The following C2CD5 variants were observed in gnomAD, a reference collection of about 807,000 sequenced individuals.
C2CD5 encodes C2 calcium dependent domain containing 5, also known as C2 domain-containing protein 5.
In C2CD5, 109 loss-of-function variants were observed where a neutral mutation model predicts 130.3. The observed-to-expected ratio is 0.84, with a 90% confidence interval of 0.72 to 0.98. The LOEUF is 0.98. Among genes scored for constraint, C2CD5 ranks in the 50% least tolerant of loss-of-function variants. The probability of loss-of-function intolerance (pLI) is 0.00; values close to 1 mark genes in which losing one functional copy is unlikely to be tolerated. For missense variants in C2CD5, 996 were observed against 1,261.8 expected (o/e 0.79, Z 3.19); for synonymous variants, 454 against 429.2 (o/e 1.06, Z -0.71).
intron 20 of C2CD5, 24 bp downstream of exon 20, chr12:22,471,375 A>T: frequency 1.7e-6 from 2 of 1,185,272 alleles, no homozygotes; most frequent in African/African-American, 1.5e-5. Flanking sequence ...GATAAAGACT[A>T]ATAATGGACT....
chr12:22,472,225 A>C, intron 18 of C2CD5, 61 bp downstream of exon 18: 1 of 1,054,402 alleles, frequency 9.5e-7, no homozygotes, highest in East Asian at 2.5e-5. Flanking sequence ...CAAATATTTA[A>C]ATGGAACTTA....
At position 22,450,015 on chromosome 12, in the gene C2CD5, G is replaced by A; in HGVS notation, c.3025-124C>T. 4.4e-6 allele frequency: 3 copies of A among 688,432 alleles called. No homozygotes were observed. The South Asian group carries it at 1.1e-4, about 25-fold the overall frequency. 42.6% of individuals were successfully genotyped at this position (688,432 alleles called of 1,614,324 possible). A position where few individuals can be genotyped will look rare whatever the true frequency, so the allele number is the denominator to read the frequency against. On this transcript the variant is annotated intron_variant, in intron 26 of 26. Transcript: ENST00000446597. Reference sequence around the variant, plus strand: ...TTCTAAATCATTAGGATAAAGATAGGCAATCCAACAGAAAAATGAGAAAAG... The same window carrying A: ...TTCTAAATCATTAGGATAAAGATAGACAATCCAACAGAAAAATGAGAAAAG...
intron 14 of C2CD5, among the ~76,000 whole-genome samples, chr12:22,481,146 T>C (rs1944653543): frequency 1.3e-5 from 2 of 152,210 alleles, no homozygotes; most frequent in Admixed American, 6.5e-5. Flanking sequence ...TACCTAATTA[T>C]TACAAATTTC....
At chr12:22,484,554 A>G (rs1945203946) in intron 13 of C2CD5, 143 bp downstream of exon 13, 2 of 427,134 alleles carry the variant, frequency 4.7e-6, no homozygotes, top group Non-Finnish European at 8.3e-6. Flanking sequence ...TACATGCAAT[A>G]AAATACAAAG....
chr12:22,463,788 T>C (rs1941605031), intron 22 of C2CD5: 1 of 152,240 alleles, frequency 6.6e-6, no homozygotes. Flanking sequence ...GAAAATCTTA[T>C]CTGAATGTCT....
In C2CD5 at chr12:22,518,099, G is replaced by A; in HGVS notation, c.839C>T (p.Ser280Leu). 1 of 1,613,662 alleles carries A rather than the reference G, an allele frequency of 6.2e-7. No individual in the cohort carries two copies. The highest frequency in any genetic ancestry group is 8.5e-7 in the Non-Finnish European group (1 of 1,179,578). ...TTTCAGAGGGGTTGAGGGTCCTGAT[G>A]AGTGAGTATTGGGATTGGGATCTTC... The part of the protein sequence containing the change: ...FNEDPNPNTH[S>L]SGPSTPLKNQ... Residue 280 changes from serine to leucine, a missense_variant, in exon 8 of 27, where the codon TCA (serine) becomes TTA (leucine). This residue lies in a region of C2CD5 where 156 missense variants were observed against 165.9 expected (regional missense o/e 0.94). Transcript: ENST00000446597.
chr12:22,503,487 C>T (rs1219938253), intron 10 of C2CD5, among the ~76,000 whole-genome samples: 1 of 152,106 alleles, frequency 6.6e-6, no homozygotes, highest in Non-Finnish European at 1.5e-5. Context: ...CGTAATAATA[C>T]ATAAAACAAT....
intron 7 of C2CD5, among the ~76,000 whole-genome samples, chr12:22,520,092 C>T (rs1950139928): frequency 6.6e-6 from 1 of 151,928 alleles, no homozygotes; most frequent in African/African-American, 2.4e-5. Flanking sequence ...AAAAATTTGG[C>T]TAAAAGGATT....
chr12:22,499,074 C>G (rs375664955), intron 10 of C2CD5, among the ~76,000 whole-genome samples: 4 of 152,308 alleles, frequency 2.6e-5, no homozygotes, highest in South Asian at 4.1e-4. Context: ...AGATCATACT[C>G]ATTTGAAAAA....
At position 22,470,814 on chromosome 12, in the gene C2CD5, A is replaced by G. The variant is rs967419538; in HGVS notation, c.2446+10T>C. The G allele has an allele frequency of 3.8e-6, 6 of 1,564,934 alleles. No homozygotes were observed. The African/African-American group carries it at 4.1e-5, about 11-fold the overall frequency. On this transcript the variant is annotated intron_variant, in intron 21 of 26. Coordinates refer to ENST00000446597, the MANE Select transcript of C2CD5 (RefSeq NM_001286176.2). Reference sequence around the variant, plus strand: ...ACACAAACTGAACTTCCTATTCAGTAAAGATTTACCTCTTTGCAATGACTT... The same window carrying G: ...ACACAAACTGAACTTCCTATTCAGTGAAGATTTACCTCTTTGCAATGACTT...
chr12:22,471,369 A>C, intron 20 of C2CD5, 30 bp downstream of exon 20: 12 of 1,146,704 alleles, frequency 1.0e-5, no homozygotes, highest in Non-Finnish European at 1.4e-5. Context: ...AGATCAGATA[A>C]AGACTAATAA....
chr12:22,512,887 C>G (rs1207637417), intron 9 of C2CD5, among the ~76,000 whole-genome samples: 1 of 151,712 alleles, frequency 6.6e-6, no homozygotes, highest in Non-Finnish European at 1.5e-5. Context: ...AGAGATTGGT[C>G]AATGATAAAA....
rs545506492 is a variant in C2CD5 at position 22,476,773 on chromosome 12, G to A, written c.1902+1540C>T. 5.9e-5 allele frequency among the ~76,000 whole-genome samples: 9 copies of A among 152,106 alleles called. No individual in the cohort carries two copies. In the East Asian group the frequency reaches 1.5e-3, roughly 26 times the overall value. ...GGTCAGGATGGATTTACAGAGGTGA[G>A]AAACACTATTAAGTAAGTAAAAAAG... On this transcript the variant is annotated intron_variant, in intron 15 of 26. Transcript: ENST00000446597.
At chr12:22,533,852 A>G (rs1290991651) in intron 3 of C2CD5, among the ~76,000 whole-genome samples, 5 of 152,228 alleles carry the variant, frequency 3.3e-5, no homozygotes, top group Non-Finnish European at 7.3e-5. Context: ...AAATGTGCCC[A>G]AACAACTGAA....
chr12:22,527,168 G>C (rs1461998017), intron 4 of C2CD5, among the ~76,000 whole-genome samples: 1 of 151,894 alleles, frequency 6.6e-6, no homozygotes, highest in Non-Finnish European at 1.5e-5. Flanking sequence ...ATCAATACTA[G>C]ATCAGTTTTA....
At chr12:22,523,849 CAAAT>C (rs1447407906) in intron 6 of C2CD5, among the ~76,000 whole-genome samples, 2 of 151,072 alleles carry the variant, frequency 1.3e-5, no homozygotes, top group Admixed American at 6.6e-5. Context: ...TTATACAGCA[CAAAT>C]ATATAGAATA....
At chr12:22,473,840 G>A (rs1318780446) in intron 16 of C2CD5, among the ~76,000 whole-genome samples, 1 of 152,070 alleles carries the variant, frequency 6.6e-6, no homozygotes, top group Non-Finnish European at 1.5e-5. Flanking sequence ...ATAGTACCCT[G>A]GAACTTTTAA....
At chr12:22,466,782 T>C (rs559551203) in intron 22 of C2CD5, among the ~76,000 whole-genome samples, 1 of 152,334 alleles carries the variant, frequency 6.6e-6, no homozygotes, top group South Asian at 2.1e-4. Flanking sequence ...TTATTTTAAA[T>C]GCAGTATTCA....
At chr12:22,491,248 T>A (rs1193851667) in intron 11 of C2CD5, among the ~76,000 whole-genome samples, 1 of 152,206 alleles carries the variant, frequency 6.6e-6, no homozygotes, top group African/African-American at 2.4e-5. Context: ...ACTGAACTCA[T>A]TTGCAGACTC....
Sources: allele counts gnomAD v4.1 joint callset (sites outside exome capture counted in the v4.1 genomes callset), GRCh38; gene constraint gnomAD v4.1.1; regional missense constraint gnomAD v4.1.1; transcripts MANE v1.5; gene names NCBI Gene and HGNC (gene_info 2026-07-23, HGNC 2026-07-21).